Variants in HEG1 observed in about 807,000 individuals in gnomAD.
HEG1 encodes the protein heart development protein with EGF like domains 1, also known as protein HEG homolog 1.
Under a neutral mutation model 125.6 loss-of-function variants are expected in HEG1, and 56 were observed. The ratio of observed to expected loss-of-function variants is 0.45; its 90% CI spans 0.36 to 0.56. The LOEUF is 0.56. HEG1 is among the 20% of genes least tolerant of loss of function. HEG1 has a pLI of 0.00. For missense variants in HEG1, 1,523 were observed against 1,670.0 expected, an observed-to-expected ratio of 0.91 and a Z score of 1.53; for synonymous variants, 644 against 668.5, an observed-to-expected ratio of 0.96 and a Z score of 0.57.
chr3:125,017,700 C>T (rs933072856), intron 5 of HEG1, among the ~76,000 whole-genome samples: 1 of 152,092 alleles, frequency 6.6e-6, no homozygotes, highest in Non-Finnish European at 1.5e-5. Flanking sequence ...GCAGCCACAG[C>T]CACATAACCT....
At chr3:125,027,834 AC>A (rs1235011903) in intron 2 of HEG1, among the ~76,000 whole-genome samples, 1 of 152,236 alleles carries the variant, frequency 6.6e-6, no homozygotes, top group Non-Finnish European at 1.5e-5. Flanking sequence ...CCCAGAATGT[AC>A]CTGAATGCAA....
In HEG1 at chr3:125,013,386, A is replaced by G; in HGVS notation, c.2193T>C (p.Leu731=). The G allele has an allele frequency of 6.2e-7, 1 of 1,613,998 alleles. No individual in the cohort carries two copies. Among genetic ancestry groups the G allele is most frequent in the African/African-American group, 1.3e-5 (1 of 75,040 alleles). The change falls in exon 6 of 17, where the codon CTT becomes CTC. Residue 731 remains leucine (L), a synonymous_variant. Coordinates refer to ENST00000311127, the MANE Select transcript of HEG1 (RefSeq NM_020733.2). ...VSLTTSTSAP[L]SVSQTTLPQS... ...GTGGCAAGGTTGTTTGTGAGACAGA[A>G]AGTGGGGCAGATGTAGATGTCGTTA...
intron 5 of HEG1, among the ~76,000 whole-genome samples, chr3:125,014,448 AGCC>A (rs1243773992): frequency 7.0e-4 from 107 of 152,304 alleles, no homozygotes; most frequent in African/African-American, 2.2e-3. Context: ...GATTGACCTT[AGCC>A]ACAAGTGGTT....
chr3:125,010,461 C>T lies in HEG1; in HGVS notation c.3051G>A (p.Trp1017Ter). The change falls in exon 7 of 17, where the codon TGG (tryptophan) becomes TGA (stop). Residue 1017 changes from tryptophan (W) to a stop codon, truncating the protein, a stop_gained. Transcript: ENST00000311127. LOFTEE classifies it high-confidence loss of function. ...TACCCACACTGCAATCATCCCCTTG[C>T]CAGGAAGGCGGGCACCTGCAGTGGT... ...RGYHCRCPPS[W>*]QGDDCSVDVN... 6.4e-7 allele frequency: 1 copy of T among 1,555,720 alleles called. No individual in the cohort carries two copies. Among genetic ancestry groups the T allele is most frequent in the South Asian group, 1.2e-5 (1 of 84,150 alleles).
In HEG1 at chr3:124,997,876, A is replaced by G; in HGVS notation, c.3518-53T>C. ...CAAAACAAAACCTTCTCCACTTCAA[A>G]CCTTAAAATCTCCTCCACTTCAAAG... On this transcript the variant is annotated intron_variant, in intron 11 of 16. Transcript: ENST00000311127. 5.3e-6 allele frequency: 8 copies of G among 1,496,784 alleles called. No individual in the cohort carries two copies. The South Asian group carries it at 1.1e-4, about 21-fold the overall frequency. 92.7% of individuals were successfully genotyped at this position (1,496,784 alleles called of 1,614,324 possible). A position where few individuals can be genotyped will look rare whatever the true frequency, so the allele number is the denominator to read the frequency against.
rs759904370 is a variant in HEG1 at position 125,013,886 on chromosome 3, C to T, written c.1693G>A (p.Glu565Lys). 1 of 1,613,716 alleles carries T rather than the reference C, an allele frequency of 6.2e-7. No individual in the cohort carries two copies. Among genetic ancestry groups the T allele is most frequent in the African/African-American group, 1.3e-5 (1 of 74,952 alleles). ...TYLSSTFTKG[E>K]RALLSITDNS... is the part of the protein sequence containing the mutation. ...TCTGTAATGGACAGTAACGCCCGTT[C>T]TCCTTTGGTGAAAGTAGATGACAGG... Residue 565 changes from glutamate to lysine, a missense_variant, in exon 6 of 17, where the codon GAA becomes AAA. By Grantham distance (56) the Glu-to-Lys change is moderately conservative. Coordinates refer to ENST00000311127, the MANE Select transcript of HEG1 (RefSeq NM_020733.2).
intron 11 of HEG1, among the ~76,000 whole-genome samples, chr3:124,999,923 A>G (rs531828565): frequency 5.9e-5 from 9 of 152,336 alleles, no homozygotes; most frequent in Non-Finnish European, 1.3e-4. Context: ...AAGGAAGTGG[A>G]TATTTTATGA....
chr3:125,036,402 G>T (rs1453917746), intron 1 of HEG1, among the ~76,000 whole-genome samples: 1 of 152,058 alleles, frequency 6.6e-6, no homozygotes, highest in East Asian at 1.9e-4. Context: ...AGTTAAAAAA[G>T]GGTTGAGAAT....
In HEG1 at chr3:125,037,934, C is replaced by T. The variant is rs145723129; in HGVS notation, c.317-8446G>A. Among the ~76,000 whole-genome samples the T allele has an allele frequency of 6.9e-4, 105 of 152,344 alleles. 3 individuals are homozygous for T. In the Middle Eastern group the frequency reaches 0.027, roughly 39 times the overall value. ...AAATGAGGATATTAACAGCATCTCC[C>T]TCACTGGGTTGTTGTGAAAACCAAT... On this transcript the variant is annotated intron_variant, in intron 1 of 16. Coordinates refer to ENST00000311127, the MANE Select transcript of HEG1 (RefSeq NM_020733.2).
At chr3:125,034,250 T>C (rs73189212) in intron 1 of HEG1, among the ~76,000 whole-genome samples, 75,316 of 151,404 alleles carry the variant, frequency 0.5, 19,014 homozygotes, top group Middle Eastern at 0.64. Context: ...GTCTGGTAAT[T>C]CTAGTAGTTG....
At chr3:125,019,660 A>G (rs189513477) in intron 4 of HEG1, 63 bp from the exon 5 acceptor site, 278 of 1,315,014 alleles carry the variant, frequency 2.1e-4, no homozygotes, top group Non-Finnish European at 2.8e-4. Flanking sequence ...CTTGGCAACT[A>G]AGAAGTGAGA....
intron 15 of HEG1, among the ~76,000 whole-genome samples, chr3:124,975,714 T>C (rs1463976765): frequency 2.6e-5 from 4 of 152,186 alleles, no homozygotes; most frequent in African/African-American, 4.8e-5. Flanking sequence ...TAGACAACCA[T>C]TAATCTACTT....
intron 8 of HEG1, among the ~76,000 whole-genome samples, chr3:125,005,655 T>C (rs1236279211): frequency 1.3e-5 from 2 of 152,258 alleles, no homozygotes; most frequent in East Asian, 3.9e-4. Flanking sequence ...GGAGGAGCCT[T>C]AGCAATGTCC....
chr3:125,030,126 C>G (rs1937477121), intron 1 of HEG1, among the ~76,000 whole-genome samples: 1 of 152,126 alleles, frequency 6.6e-6, no homozygotes, highest in African/African-American at 2.4e-5. Context: ...TGGGTGTAAG[C>G]AAAAGGCAAG....
intron 3 of HEG1, among the ~76,000 whole-genome samples, chr3:125,024,185 T>G (rs1937381607): frequency 6.6e-6 from 1 of 152,234 alleles, no homozygotes; most frequent in African/African-American, 2.4e-5. Context: ...TAGCTCAATT[T>G]CCACAAAACA....
At chr3:124,978,866 G>A (rs886488399) in intron 14 of HEG1, among the ~76,000 whole-genome samples, 1 of 151,212 alleles carries the variant, frequency 6.6e-6, no homozygotes, top group Non-Finnish European at 1.5e-5. Flanking sequence ...AGATAACGCA[G>A]AATCTTTTCT....
chr3:125,044,645 G>A (rs1191488742), intron 1 of HEG1, among the ~76,000 whole-genome samples: 1 of 152,106 alleles, frequency 6.6e-6, no homozygotes, highest in Non-Finnish European at 1.5e-5. Context: ...AGTAAAACTG[G>A]ATCCAAACCC....
intron 1 of HEG1, among the ~76,000 whole-genome samples, chr3:125,052,405 C>T (rs985728649): frequency 2.6e-5 from 4 of 152,306 alleles, no homozygotes; most frequent in African/African-American, 2.4e-5. Context: ...CAGCTCAAAG[C>T]GCTTCCTTTC....
In HEG1 at chr3:125,002,280, G is replaced by A; in HGVS notation, c.3333C>T (p.Ile1111=). The change falls in exon 10 of 17, where the codon ATC becomes ATT. Residue 1111 remains isoleucine (I), a synonymous_variant. Transcript: ENST00000311127. ...NMCFSALPSY[I]RSTVHASRES... ...ACCTAGAGGCGTGAACTGTAGATCG[G>A]ATGTAACTAGGTAACGCTGAAAAAC... The A allele has an allele frequency of 6.2e-7, 1 of 1,613,646 alleles. No individual in the cohort carries two copies. The highest frequency in any genetic ancestry group is 2.2e-5 in the East Asian group (1 of 44,886).
Sources: gnomAD v4.1 joint callset for allele counts (sites outside exome capture counted in the v4.1 genomes callset) on GRCh38, gnomAD v4.1.1 for gene constraint, MANE v1.5 for transcripts, NCBI Gene and HGNC (gene_info 2026-07-23, HGNC 2026-07-21) for gene names.